Variants in ITGAE observed in about 807,000 individuals in gnomAD.
The protein encoded by ITGAE is integrin alpha-E.
A neutral mutation model predicts 136.5 loss-of-function variants in ITGAE; 99 were observed. The observed-to-expected ratio is 0.73, with a 90% CI of 0.62 to 0.86. The LOEUF is 0.86. Among genes scored for constraint, ITGAE ranks in the 40% least tolerant of loss-of-function variants. The probability of loss-of-function intolerance (pLI) is 0.00; values close to 1 mark genes in which losing one functional copy is unlikely to be tolerated. For missense variants in ITGAE, 1,447 were observed against 1,515.3 expected, an observed-to-expected ratio of 0.95 and a Z score of 0.75; for synonymous variants, 613 against 591.8, an observed-to-expected ratio of 1.04 and a Z score of -0.52.
Position 3,751,804 on chromosome 17 carries a change from G to A in ITGAE, c.1739C>T (p.Ala580Val), listed in dbSNP as rs752937250. 7.4e-6 allele frequency: 12 copies of A among 1,613,988 alleles called. No individual in the cohort carries two copies. The highest frequency in any genetic ancestry group is 1.0e-5 in the Non-Finnish European group (12 of 1,179,992). The change falls in exon 15 of 31, where the codon GCC becomes GTC. Residue 580 changes from alanine to valine, a missense_variant. By Grantham distance (64) the Ala-to-Val change is moderately conservative (BLOSUM62 0). Transcript: ENST00000263087. ...PGFTNARFGFAMAAMGDLSQD... is the reference protein window; with the variant it reads ...PGFTNARFGFVMAAMGDLSQD... ...ACTGAGATCCCCCATAGCCGCCATGGCAAAGCCAAAGCGGGCATTGGTGAA... is the reference window on the plus strand; with the variant it reads ...ACTGAGATCCCCCATAGCCGCCATGACAAAGCCAAAGCGGGCATTGGTGAA...
intron 3 of ITGAE, among the ~76,000 whole-genome samples, chr17:3,762,589 A>ATTTTTTTTT (rs1201695419): frequency 1.8e-5 from 2 of 111,782 alleles, no homozygotes; most frequent in African/African-American, 3.6e-5. Context: ...TCAGACAAGG[A>ATTTTTTTTT]TTTTTTTTTT....
rs147630625 is a variant in ITGAE at position 3,786,324 on chromosome 17, CTA to C, written c.35-8666_35-8665del. 2.9e-3 allele frequency among the ~76,000 whole-genome samples: 442 copies of C among 152,106 alleles called. 3 individuals carry two copies. Among genetic ancestry groups the C allele is most frequent in the African/African-American group, 0.01 (429 of 41,466 alleles). ...CCTGAGTAAGATATTTTACTCATGACTAAAAATCTTAGGGAGATCTCTACGCC... is the reference window on the plus strand; with the variant it reads ...CCTGAGTAAGATATTTTACTCATGACAAAATCTTAGGGAGATCTCTACGCC... On this transcript the variant is annotated intron_variant, in intron 1 of 30. Coordinates refer to ENST00000263087, the MANE Select transcript of ITGAE (RefSeq NM_002208.5).
chr17:3,746,658 C>T (rs1429174649), intron 17 of ITGAE, among the ~76,000 whole-genome samples: 2 of 152,054 alleles, frequency 1.3e-5, no homozygotes, highest in Non-Finnish European at 2.9e-5. Context: ...CGGCGTTTCA[C>T]CATGTTAGCC....
At position 3,759,455 on chromosome 17, in the gene ITGAE, G is replaced by A; in HGVS notation, c.813C>T (p.Asn271=). The A allele has an allele frequency of 6.2e-7, 1 of 1,614,198 alleles. No individual in the cohort carries two copies. Among genetic ancestry groups the A allele is most frequent in the Non-Finnish European group, 8.5e-7 (1 of 1,180,030 alleles). The change falls in exon 8 of 31, where the codon AAC becomes AAT. Residue 271 remains asparagine, a synonymous_variant. Transcript: ENST00000263087. Reference sequence around the variant, plus strand: ...TGGTGACACTCCCCACTTGAGTGATGTTCTGGACTCTGGCGAGGGAGGCCA... The same window carrying A: ...TGGTGACACTCCCCACTTGAGTGATATTCTGGACTCTGGCGAGGGAGGCCA... ...DVMASLARVQ[N]ITQVGSVTKT...
intron 2 of ITGAE, among the ~76,000 whole-genome samples, chr17:3,769,704 G>C (rs571694698): frequency 7.2e-4 from 110 of 152,328 alleles, no homozygotes; most frequent in Non-Finnish European, 1.4e-3. Context: ...TGCTTTTTGA[G>C]ATGGAGTCTC....
chr17:3,780,578 G>A (rs566263280), intron 1 of ITGAE, among the ~76,000 whole-genome samples: 7 of 152,204 alleles, frequency 4.6e-5, no homozygotes, highest in East Asian at 3.9e-4. Flanking sequence ...GATTACAGGC[G>A]TGAGCCACTG....
intron 2 of ITGAE, among the ~76,000 whole-genome samples, chr17:3,770,529 G>C (rs980966170): frequency 2.6e-5 from 4 of 152,140 alleles, no homozygotes; most frequent in Non-Finnish European, 5.9e-5. Flanking sequence ...CATTTTAAGA[G>C]AGACAATGTG....
intron 17 of ITGAE, among the ~76,000 whole-genome samples, chr17:3,746,448 T>G (rs112299766): frequency 6.6e-6 from 1 of 151,374 alleles, no homozygotes; most frequent in Admixed American, 6.6e-5. Flanking sequence ...TTTCTTTTTT[T>G]TTTCTTTTTT....
intron 2 of ITGAE, among the ~76,000 whole-genome samples, chr17:3,776,813 C>A (rs900660376): frequency 3.9e-5 from 6 of 152,160 alleles, no homozygotes; most frequent in Non-Finnish European, 8.8e-5. Context: ...CCAGCTTCAG[C>A]CTCCCTAAGT....
At position 3,725,437 on chromosome 17, in the gene ITGAE, C is replaced by CA. The variant is rs771994371; in HGVS notation, c.3085-1694dup. On this transcript the variant is annotated intron_variant, in intron 26 of 30. Transcript: ENST00000263087. ...GGGGTGTTTGGCGAAGTGTTTCAAA[C>CA]AATTGCTGATCACACACCCGTAGCC... is the stretch of plus-strand genomic sequence containing the variant. 4.3e-6 allele frequency: 7 copies of CA among 1,614,208 alleles called. No individual in the cohort carries two copies. The South Asian group carries it at 7.7e-5, about 18-fold the overall frequency.
chr17:3,716,621 TA>T, intron 30 of ITGAE, 66 bp downstream of exon 30: 3 of 977,754 alleles, frequency 3.1e-6, no homozygotes, highest in Non-Finnish European at 4.9e-6. Context: ...TTGGCTGTCC[TA>T]AGGAGTTCTG....
chr17:3,755,692 T>G (rs750054976), intron 11 of ITGAE, 138 bp downstream of exon 11: 3 of 573,082 alleles, frequency 5.2e-6, no homozygotes, highest in African/African-American at 1.9e-5. Context: ...ATTAATTAAT[T>G]AAAATAAAAT....
At chr17:3,756,854 A>T in intron 10 of ITGAE, 130 bp downstream of exon 10, 1 of 1,004,538 alleles carries the variant, frequency 1.0e-6, no homozygotes, top group Non-Finnish European at 1.4e-6. Flanking sequence ...TTGCCTTTTT[A>T]GACATGGAAG....
At chr17:3,779,387 G>A (rs1183845634) in intron 1 of ITGAE, among the ~76,000 whole-genome samples, 1 of 151,788 alleles carries the variant, frequency 6.6e-6, no homozygotes, top group Non-Finnish European at 1.5e-5. Context: ...GAGTGCAGTG[G>A]TGCAATCTTG....
intron 6 of ITGAE, 30 bp from the exon 7 acceptor site, chr17:3,760,317 C>T (rs2052134988): frequency 7.2e-7 from 1 of 1,389,984 alleles, no homozygotes. Flanking sequence ...CAGGAGTGGG[C>T]ATGGGATGTG....
intron 19 of ITGAE, among the ~76,000 whole-genome samples, chr17:3,740,699 A>C (rs918146616): frequency 6.6e-6 from 1 of 152,150 alleles, no homozygotes; most frequent in Admixed American, 6.5e-5. Flanking sequence ...CTGTAAGCTA[A>C]CTATTTCCCT....
intron 15 of ITGAE, among the ~76,000 whole-genome samples, chr17:3,751,094 G>T (rs2051853907): frequency 6.6e-6 from 1 of 151,976 alleles, no homozygotes; most frequent in Admixed American, 6.6e-5. Context: ...GGTGTGGAGG[G>T]GGATGAGGTC....
At chr17:3,792,425 A>G (rs2052964442) in intron 1 of ITGAE, among the ~76,000 whole-genome samples, 2 of 152,144 alleles carry the variant, frequency 1.3e-5, no homozygotes, top group African/African-American at 4.8e-5. Context: ...CCTGATATCT[A>G]TATTTTATTC....
chr17:3,761,842 C>T, intron 4 of ITGAE, 73 bp downstream of exon 4: 2 of 1,337,530 alleles, frequency 1.5e-6, no homozygotes, highest in Non-Finnish European at 2.1e-6. Flanking sequence ...GAACTGGTCT[C>T]AACACCAGGG....
Sources: gnomAD v4.1 joint callset for allele counts (sites outside exome capture counted in the v4.1 genomes callset) on GRCh38, gnomAD v4.1.1 for gene constraint, MANE v1.5 for transcripts, NCBI Gene and HGNC (gene_info 2026-07-23, HGNC 2026-07-21) for gene names.